Variants in BPIFB3 observed in about 807,000 individuals in gnomAD.
BPIFB3 encodes the protein BPI fold containing family B member 3.
A neutral mutation model predicts 53.1 loss-of-function variants in BPIFB3; 49 were observed. The ratio of observed to expected loss-of-function variants is 0.92; its 90% confidence interval spans 0.73 to 1.17. The LOEUF (loss-of-function observed/expected upper bound fraction) is 1.17. BPIFB3 is among the 50% of genes most tolerant of loss of function. BPIFB3 has a pLI of 0.00. For synonymous variants in BPIFB3, 271 were observed against 269.6 expected, an observed-to-expected ratio of 1.01 and a Z score of -0.05; for missense variants, 628 against 592.5, an observed-to-expected ratio of 1.06 and a Z score of -0.62.
intron 8 of BPIFB3, among the ~76,000 whole-genome samples, chr20:33,066,000 G>GT (rs1436329267): frequency 1.3e-5 from 2 of 152,240 alleles, no homozygotes; most frequent in Non-Finnish European, 2.9e-5. Context: ...GCGGATGTGG[G>GT]TGTGTGTATA....
intron 11 of BPIFB3, among the ~76,000 whole-genome samples, chr20:33,070,782 G>GGTCC (rs1388501757): frequency 6.6e-6 from 1 of 152,216 alleles, no homozygotes; most frequent in Admixed American, 6.5e-5. Flanking sequence ...TGCTGCCTGG[G>GGTCC]TGCACCTCCA....
chr20:33,073,627 C>T lies in BPIFB3; in HGVS notation c.*22C>T, dbSNP rs755929863. ...CTGAGGCTGAGACATGGCCACCAGC[C>T]TTCCCTGTTGACTACTAGAGACCAC... is the stretch of plus-strand genomic sequence containing the variant. On this transcript the variant is annotated 3_prime_UTR_variant, in exon 15 of 15. Transcript: ENST00000375494. 7 of 1,613,682 alleles carry T rather than the reference C, an allele frequency of 4.3e-6. No homozygotes were observed. The South Asian group carries it at 4.4e-5, about 10-fold the overall frequency.
In BPIFB3 at chr20:33,055,594, C is replaced by T. The variant is rs11907401; in HGVS notation, c.124+47C>T. 1.2e-3 allele frequency: 2,004 copies of T among 1,610,942 alleles called. 7 individuals are homozygous for T. In the African/African-American group the frequency reaches 0.016, roughly 13 times the overall value. ...TGTGAGGGGGCTGCTGCAATGTCAA[C>T]GACTCAATCTATATGCTTAGAGCAT... On this transcript the variant is annotated intron_variant, in intron 1 of 14. Coordinates refer to ENST00000375494, the Ensembl canonical transcript of BPIFB3.
intron 9 of BPIFB3, among the ~76,000 whole-genome samples, chr20:33,067,733 C>T (rs772394628): frequency 6.6e-6 from 1 of 152,178 alleles, no homozygotes; most frequent in South Asian, 2.1e-4. Context: ...AAGCAGCAAG[C>T]TGGGCCTGCC....
At chr20:33,056,458 A>G (rs981860954) in intron 1 of BPIFB3, 84 bp from the exon 3 acceptor site, 2 of 1,511,496 alleles carry the variant, frequency 1.3e-6, no homozygotes, top group Admixed American at 1.8e-5. Context: ...AGCCTACTCA[A>G]TCTCAGAGGA....
At chr20:33,065,600 A>AGG (rs1467027482) in intron 8 of BPIFB3, among the ~76,000 whole-genome samples, 33 of 147,982 alleles carry the variant, frequency 2.2e-4, no homozygotes, top group African/African-American at 8.2e-4. Context: ...GAAGGAAGGA[A>AGG]AGAAGGAAGG....
upstream of BPIFB3, among the ~76,000 whole-genome samples, chr20:33,054,024 C>A (rs529284199): frequency 6.6e-6 from 1 of 152,272 alleles, no homozygotes; most frequent in South Asian, 2.1e-4. Context: ...GACCCCACTG[C>A]CTTCTGCCCT....
At chr20:33,072,924 A>T (rs1980967853) in intron 14 of BPIFB3, 131 bp downstream of exon 15, 2 of 796,864 alleles carry the variant, frequency 2.5e-6, no homozygotes, top group African/African-American at 1.8e-5. Context: ...TAAATTTCTC[A>T]GTGAGTTACA....
intron 9 of BPIFB3, 38 bp from the exon 11 acceptor site, chr20:33,068,765 T>C (rs766856849): frequency 6.3e-7 from 1 of 1,596,226 alleles, no homozygotes; most frequent in South Asian, 1.1e-5. Context: ...CTGATTGTAG[T>C]CCTGGGGCAT....
chr20:33,067,747 C>A (rs1483447098), intron 9 of BPIFB3, among the ~76,000 whole-genome samples: 2 of 152,154 alleles, frequency 1.3e-5, no homozygotes, highest in East Asian at 1.9e-4. Context: ...GCCTGCCCCT[C>A]CAGCATGGGG....
At chr20:33,059,290 A>C (rs1980341281) in intron 2 of BPIFB3, 88 bp from the exon 4 acceptor site, 2 of 889,526 alleles carry the variant, frequency 2.2e-6, no homozygotes, top group Non-Finnish European at 3.6e-6. Context: ...TTGAGGTGAG[A>C]TAGGGGACAC....
intron 9 of BPIFB3, 71 bp from the exon 11 acceptor site, chr20:33,068,732 G>A: frequency 6.7e-7 from 1 of 1,501,952 alleles, no homozygotes; most frequent in Non-Finnish European, 9.1e-7. Flanking sequence ...TAGGTGCTTA[G>A]TGAGTGTTTG....
chr20:33,061,976 G>A, intron 5 of BPIFB3, 145 bp downstream of exon 6: 5 of 935,020 alleles, frequency 5.3e-6, no homozygotes, highest in South Asian at 3.4e-5. Context: ...CGGGCCTGCT[G>A]ACCGGCCTTC....
intron 5 of BPIFB3, 111 bp from the exon 7 acceptor site, chr20:33,063,504 G>C: frequency 1.7e-6 from 2 of 1,187,338 alleles, no homozygotes; most frequent in South Asian, 1.3e-5. Flanking sequence ...CTTCCGCCTT[G>C]CCTTGGTCCC....
downstream of BPIFB3, chr20:33,073,745 GGGGT>G (rs1479065528): frequency 1.0e-6 from 1 of 983,454 alleles, no homozygotes; most frequent in African/African-American, 1.6e-5. Context: ...CTCCAAGTTT[GGGGT>G]GGGAACTGCC....
At chr20:33,064,881 C>T in intron 8 of BPIFB3, 36 bp downstream of exon 9, 4 of 1,594,226 alleles carry the variant, frequency 2.5e-6, no homozygotes, top group Non-Finnish European at 3.4e-6. Flanking sequence ...GATGGGGGCT[C>T]CTTGCCCTGC....
At chr20:33,057,251 T>C (rs1055172515) in intron 2 of BPIFB3, among the ~76,000 whole-genome samples, 9 of 152,086 alleles carry the variant, frequency 5.9e-5, no homozygotes, top group Admixed American at 5.2e-4. Context: ...TGCAGTGGCA[T>C]GATCTCGGCT....
rs199499609 is a variant in BPIFB3, at chr20:33,072,686, A to C, written c.1325-31A>C. On this transcript the variant is annotated intron_variant, in intron 13 of 14. Coordinates refer to ENST00000375494, the Ensembl canonical transcript of BPIFB3. ...GGGTCCAAGAGCTCCCCACCAATGTACCTTTGTTTTCAACGATTCTCTTTT... is the reference window on the plus strand; with the variant it reads ...GGGTCCAAGAGCTCCCCACCAATGTCCCTTTGTTTTCAACGATTCTCTTTT... 1,720 of 1,589,178 alleles carry C rather than the reference A, an allele frequency of 1.1e-3. 5 individuals are homozygous for C. The highest frequency in any genetic ancestry group is 6.5e-3 in the Middle Eastern group (39 of 6,014).
intron 4 of BPIFB3, among the ~76,000 whole-genome samples, chr20:33,060,859 C>G (rs528862533): frequency 5.3e-5 from 8 of 152,340 alleles, no homozygotes; most frequent in African/African-American, 1.9e-4. Context: ...GCCACCGTGC[C>G]TGACCTCTCA....
Sources: gnomAD v4.1 joint callset for allele counts (sites outside exome capture counted in the v4.1 genomes callset) on GRCh38, gnomAD v4.1.1 for gene constraint, MANE v1.5 for transcripts, NCBI Gene and HGNC (gene_info 2026-07-23, HGNC 2026-07-21) for gene names.